Variants in CMTM8 observed in about 807,000 individuals in gnomAD.
The protein encoded by CMTM8 is CKLF like MARVEL transmembrane domain containing 8.
A neutral mutation model predicts 18.6 loss-of-function variants in CMTM8; 12 were observed. That is an observed-to-expected ratio of 0.65 (90% CI 0.41 to 1.05). The LOEUF (loss-of-function observed/expected upper bound fraction) is 1.05. Among genes scored for constraint, CMTM8 ranks in the 50% least tolerant of loss-of-function variants. The probability of loss-of-function intolerance (pLI) is 0.00; values close to 1 mark genes in which losing one functional copy is unlikely to be tolerated. For missense variants in CMTM8, 217 were observed against 227.2 expected (o/e 0.95, Z 0.29); for synonymous variants, 87 against 90.6 (o/e 0.96, Z 0.23).
intron 1 of CMTM8, among the ~76,000 whole-genome samples, chr3:32,351,746 A>G (rs1014195351): frequency 3.9e-5 from 6 of 152,042 alleles, no homozygotes; most frequent in Admixed American, 2.6e-4. Flanking sequence ...TAAAACTTCC[A>G]TAGACAAAAG....
chr3:32,239,886 C>A (rs919698285), intron 1 of CMTM8, among the ~76,000 whole-genome samples: 1 of 152,078 alleles, frequency 6.6e-6, no homozygotes, highest in East Asian at 1.9e-4. Flanking sequence ...GTCCTCATAC[C>A]CTCGTGTAAT....
At chr3:32,273,129 ATGTG>A (rs60162265) in intron 1 of CMTM8, among the ~76,000 whole-genome samples, 1,672 of 142,990 alleles carry the variant, frequency 0.012, 32 homozygotes, top group African/African-American at 0.038. Context: ...ATTGGAACAA[ATGTG>A]TGTGTGTGTG....
At chr3:32,344,354 T>C (rs1263647690) in intron 1 of CMTM8, among the ~76,000 whole-genome samples, 1 of 152,206 alleles carries the variant, frequency 6.6e-6, no homozygotes, top group Non-Finnish European at 1.5e-5. Context: ...ATAATGGTGC[T>C]CCTGCCAGTC....
At chr3:32,239,218 C>A in intron 1 of CMTM8, 99 bp downstream of exon 1, 1 of 1,379,636 alleles carries the variant, frequency 7.2e-7, no homozygotes, top group Non-Finnish European at 9.8e-7. Context: ...GATCTTCCCG[C>A]GGGCTTTAGG....
At chr3:32,299,800 C>A (rs1695578923) in intron 1 of CMTM8, among the ~76,000 whole-genome samples, 2 of 152,092 alleles carry the variant, frequency 1.3e-5, no homozygotes, top group Admixed American at 1.3e-4. Context: ...ATCTAATAAT[C>A]TAGGGGAAAA....
At chr3:32,280,634 CTG>C (rs1702592647) in intron 1 of CMTM8, among the ~76,000 whole-genome samples, 1 of 151,990 alleles carries the variant, frequency 6.6e-6, no homozygotes, top group Non-Finnish European at 1.5e-5. Flanking sequence ...TTTCAAAAAT[CTG>C]TAGTTTCATT....
At chr3:32,340,197 T>TCAC (rs1261163862) in intron 1 of CMTM8, among the ~76,000 whole-genome samples, 1 of 152,194 alleles carries the variant, frequency 6.6e-6, no homozygotes, top group Non-Finnish European at 1.5e-5. Flanking sequence ...GTGTAGGAAC[T>TCAC]CATCCAGACA....
intron 1 of CMTM8, among the ~76,000 whole-genome samples, chr3:32,329,402 A>G (rs1696228425): frequency 6.6e-6 from 1 of 152,196 alleles, no homozygotes; most frequent in Non-Finnish European, 1.5e-5. Context: ...TAGTAAACCA[A>G]ATTCAACGTA....
At chr3:32,321,444 G>A (rs1696049904) in intron 1 of CMTM8, among the ~76,000 whole-genome samples, 2 of 152,130 alleles carry the variant, frequency 1.3e-5, no homozygotes, top group South Asian at 4.1e-4. Flanking sequence ...GTGCCATGTT[G>A]TGCTGAGGAT....
intron 1 of CMTM8, among the ~76,000 whole-genome samples, chr3:32,251,208 AG>A (rs1352520504): frequency 1.3e-5 from 2 of 152,232 alleles, no homozygotes; most frequent in Non-Finnish European, 2.9e-5. Context: ...AATAATATTC[AG>A]GGGAGCCTGA....
intron 1 of CMTM8, among the ~76,000 whole-genome samples, chr3:32,288,690 C>CAG (rs1702726715): frequency 2.6e-5 from 4 of 152,092 alleles, no homozygotes; most frequent in Non-Finnish European, 5.9e-5. Flanking sequence ...TTAGTAGAGA[C>CAG]GGCATTTCAC....
intron 2 of CMTM8, among the ~76,000 whole-genome samples, chr3:32,360,510 GAA>G (rs1169209546): frequency 6.6e-6 from 1 of 152,208 alleles, no homozygotes; most frequent in Non-Finnish European, 1.5e-5. Flanking sequence ...GCGGAGACTG[GAA>G]AAAGTTTCCG....
chr3:32,275,850 A>T (rs1056623290), intron 1 of CMTM8, among the ~76,000 whole-genome samples: 3 of 151,840 alleles, frequency 2.0e-5, no homozygotes, highest in African/African-American at 7.3e-5. Flanking sequence ...GGGTTTCGCT[A>T]TGTTGGCCAG....
At position 32,239,046 on chromosome 3, in the gene CMTM8, C is replaced by CCAGCAG. The variant is rs768011366; in HGVS notation, c.82_87dup (p.Ser28_Ser29dup). The CCAGCAG allele has an allele frequency of 6.3e-7, 1 of 1,590,318 alleles. No homozygotes were observed. The highest frequency in any genetic ancestry group is 8.6e-7 in the Non-Finnish European group (1 of 1,169,014). On this transcript the variant is annotated inframe_insertion, in exon 1 of 4. Transcript: ENST00000307526. Reference sequence around the variant, plus strand: ...AGCTCCTTCGCAGAGAACTTCTCCACCAGCAGCAGCAGCTTCGCCTACGAC... The same window carrying CCAGCAG: ...AGCTCCTTCGCAGAGAACTTCTCCACCAGCAGCAGCAGCAGCAGCTTCGCCTACGAC...
chr3:32,294,667 G>A (rs1009150459), intron 1 of CMTM8, among the ~76,000 whole-genome samples: 7 of 152,158 alleles, frequency 4.6e-5, no homozygotes, highest in Non-Finnish European at 7.3e-5. Flanking sequence ...ATAAACATCA[G>A]CTCCTCGAGG....
At chr3:32,340,201 C>T (rs1696466631) in intron 1 of CMTM8, among the ~76,000 whole-genome samples, 1 of 152,300 alleles carries the variant, frequency 6.6e-6, no homozygotes, top group African/African-American at 2.4e-5. Flanking sequence ...AGGAACTCAT[C>T]CAGACAGTAA....
intron 1 of CMTM8, among the ~76,000 whole-genome samples, chr3:32,287,945 A>G (rs1344956677): frequency 6.6e-6 from 1 of 152,216 alleles, no homozygotes. Context: ...AAGTTTGGCA[A>G]GAGAGAGATG....
At chr3:32,283,520 G>A (rs13059391) in intron 1 of CMTM8, among the ~76,000 whole-genome samples, 7,118 of 152,200 alleles carry the variant, frequency 0.047, 239 homozygotes, top group Admixed American at 0.071. Flanking sequence ...TGGAGCCTGC[G>A]GAACAGGATG....
chr3:32,274,298 T>TG (rs1702483120), intron 1 of CMTM8, among the ~76,000 whole-genome samples: 1 of 137,604 alleles, frequency 7.3e-6, no homozygotes, highest in African/African-American at 2.8e-5. Flanking sequence ...TGACCCTGTC[T>TG]CAAAAAAAAA....
Sources: gnomAD v4.1 joint callset for allele counts (sites outside exome capture counted in the v4.1 genomes callset) on GRCh38, gnomAD v4.1.1 for gene constraint, MANE v1.5 for transcripts, NCBI Gene and HGNC (gene_info 2026-07-23, HGNC 2026-07-21) for gene names.